The following TPRG1 variants were observed in gnomAD, a reference collection of about 807,000 sequenced individuals.
TPRG1 encodes the protein tumor protein p63 regulated 1.
Under a neutral mutation model 29.3 loss-of-function variants are expected in TPRG1, and 29 were observed. The ratio of observed to expected loss-of-function variants is 0.99; its 90% CI spans 0.74 to 1.35. The LOEUF is 1.35. Among genes scored for constraint, TPRG1 ranks in the 40% most tolerant of loss-of-function variants. The pLI is 0.00. For synonymous variants in TPRG1, 130 were observed against 116.8 expected (o/e 1.11, Z -0.73); for missense variants, 327 against 335.0 (o/e 0.98, Z 0.19).
chr3:189,116,172 ATATTAT>A (rs908159489), intron 1 of TPRG1, among the ~76,000 whole-genome samples: 2 of 151,890 alleles, frequency 1.3e-5, no homozygotes, highest in Non-Finnish European at 2.9e-5. Context: ...GGTCTCGAAG[ATATTAT>A]TATTATTATT....
At chr3:189,298,265 G>A (rs1371634946) in intron 4 of TPRG1, among the ~76,000 whole-genome samples, 1 of 152,126 alleles carries the variant, frequency 6.6e-6, no homozygotes, top group Admixed American at 6.5e-5. Context: ...AGGTTGTGAT[G>A]GGAGCCAAAA....
At position 189,133,452 on chromosome 3, in the gene TPRG1, C is replaced by T. The variant is rs186813970; in HGVS notation, c.-291+755C>T. The stretch of plus-strand genomic sequence containing the variant: ...AAATGCCATCTTGAATTGTAATCCC[C>T]TCGTATTGAGGGAGGGAAGTGACTG... On this transcript the variant is annotated intron_variant, in intron 3 of 6. Coordinates refer to the TPRG1 transcript ENST00000412373. Among the ~76,000 whole-genome samples the T allele has an allele frequency of 3.6e-3, 543 of 152,218 alleles. 2 individuals carry two copies. Among genetic ancestry groups the T allele is most frequent in the Middle Eastern group, 0.014 (4 of 294 alleles).
chr3:189,175,169 A>C (rs1157136657), intron 1 of TPRG1, among the ~76,000 whole-genome samples: 1 of 152,202 alleles, frequency 6.6e-6, no homozygotes, highest in Non-Finnish European at 1.5e-5. Flanking sequence ...TTTCAAGACG[A>C]AGAAGAAAGC....
At chr3:189,274,935 AGTGTGTGTGTGTGTGTGTGT>A (rs57386934) in intron 4 of TPRG1, among the ~76,000 whole-genome samples, 1 of 137,646 alleles carries the variant, frequency 7.3e-6, no homozygotes, top group South Asian at 2.4e-4. Flanking sequence ...TAATGTAATG[AGTGTGTGTGTGTGTGTGTGT>A]GTGTGTGTGT....
chr3:189,207,364 C>A lies in TPRG1; in HGVS notation c.-9-12C>A, dbSNP rs945722219. 1.2e-6 allele frequency: 2 copies of A among 1,613,418 alleles called. No individual in the cohort carries two copies. The highest frequency in any genetic ancestry group is 1.7e-6 in the Non-Finnish European group (2 of 1,179,684). On this transcript the variant is annotated splice_polypyrimidine_tract_variant and intron_variant, in intron 1 of 5. Coordinates refer to ENST00000345063, the MANE Select transcript of TPRG1 (RefSeq NM_198485.4). ...ACATTTTTTCAATGAGATTTTTCTG[C>A]CCTTGGTTTAGGCTGAAGAAATGTC...
At chr3:189,163,592 T>A (rs1727763126) in intron 5 of TPRG1, among the ~76,000 whole-genome samples, 1 of 152,196 alleles carries the variant, frequency 6.6e-6, no homozygotes, top group South Asian at 2.1e-4. Flanking sequence ...TTTAATGAAA[T>A]GACGACTTTT....
chr3:189,068,073 C>T (rs1029062659), intron 4 of TPRG1, among the ~76,000 whole-genome samples: 2 of 152,044 alleles, frequency 1.3e-5, no homozygotes, highest in African/African-American at 4.8e-5. Context: ...AAAAGGTGCT[C>T]AATATCATTT....
intron 1 of TPRG1, among the ~76,000 whole-genome samples, chr3:189,201,174 A>G (rs1238715465): frequency 6.6e-6 from 1 of 152,204 alleles, no homozygotes; most frequent in Non-Finnish European, 1.5e-5. Context: ...TAAATTATTC[A>G]GCCCCATGTG....
chr3:189,191,168 T>A (rs1578742435), intron 1 of TPRG1, among the ~76,000 whole-genome samples: 1 of 152,222 alleles, frequency 6.6e-6, no homozygotes, highest in Non-Finnish European at 1.5e-5. Context: ...ATATCTTTAT[T>A]GTTTTGTTTT....
At chr3:189,032,143 A>G (rs970468738) in intron 4 of TPRG1, among the ~76,000 whole-genome samples, 1 of 152,194 alleles carries the variant, frequency 6.6e-6, no homozygotes, top group Non-Finnish European at 1.5e-5. Context: ...ATTACCATGA[A>G]CAATTTGAGT....
chr3:189,302,306 A>T (rs1004299143), intron 4 of TPRG1, among the ~76,000 whole-genome samples: 2 of 152,194 alleles, frequency 1.3e-5, no homozygotes, highest in Admixed American at 1.3e-4. Context: ...TGATACCTTT[A>T]ACTATGAGAG....
intron 1 of TPRG1, among the ~76,000 whole-genome samples, chr3:189,180,229 A>C (rs1419397537): frequency 6.6e-6 from 1 of 152,164 alleles, no homozygotes; most frequent in Non-Finnish European, 1.5e-5. Flanking sequence ...GACAGAGCCA[A>C]ACCATATCAT....
At chr3:189,213,833 C>A (rs1187568512) in intron 2 of TPRG1, among the ~76,000 whole-genome samples, 3 of 151,972 alleles carry the variant, frequency 2.0e-5, no homozygotes, top group East Asian at 1.9e-4. Context: ...CTTTAAAAAT[C>A]TTCCCATATT....
chr3:189,155,641 A>G (rs1402785495), intron 5 of TPRG1, among the ~76,000 whole-genome samples: 1 of 152,230 alleles, frequency 6.6e-6, no homozygotes, highest in Non-Finnish European at 1.5e-5. Context: ...AGAAAATAGA[A>G]TGTTATTGAG....
intron 4 of TPRG1, chr3:189,309,874 A>T (rs1722208539): frequency 6.6e-6 from 1 of 152,404 alleles, no homozygotes; most frequent in Non-Finnish European, 1.5e-5. Flanking sequence ...AATGAGATTC[A>T]GAATCTGAAG....
intron 4 of TPRG1, among the ~76,000 whole-genome samples, chr3:189,044,149 G>T (rs1214225941): frequency 6.6e-6 from 1 of 152,030 alleles, no homozygotes; most frequent in Non-Finnish European, 1.5e-5. Flanking sequence ...GAGAGAGAGA[G>T]AAAAGACCTG....
In TPRG1 at chr3:189,193,800, A is replaced by G. The variant is rs148467860; in HGVS notation, c.-9-13576A>G. Among the ~76,000 whole-genome samples, 232 of 150,396 alleles carry G rather than the reference A, an allele frequency of 1.5e-3. 1 individual carries two copies. The highest frequency in any genetic ancestry group is 5.3e-3 in the African/African-American group (217 of 40,784). On this transcript the variant is annotated intron_variant, in intron 1 of 5. Coordinates refer to ENST00000345063, the MANE Select transcript of TPRG1 (RefSeq NM_198485.4). ...CTCTGTGCAATTTCTCATTCATACC[A>G]TGAGTTGGTTTCCTGATTTTGTTGA... is the stretch of plus-strand genomic sequence containing the variant.
At chr3:189,103,340 C>T (rs559247054) in intron 1 of TPRG1, among the ~76,000 whole-genome samples, 1 of 152,236 alleles carries the variant, frequency 6.6e-6, no homozygotes, top group South Asian at 2.1e-4. Context: ...GTTTGCAGTC[C>T]CCTTTCATCT....
intron 4 of TPRG1, among the ~76,000 whole-genome samples, chr3:189,086,377 G>A (rs1339370331): frequency 1.3e-5 from 2 of 151,044 alleles, no homozygotes; most frequent in South Asian, 4.2e-4. Context: ...TTGAGATAGG[G>A]TCTCACTCTC....
Sources: allele counts gnomAD v4.1 joint callset (sites outside exome capture counted in the v4.1 genomes callset), GRCh38; gene constraint gnomAD v4.1.1; transcripts MANE v1.5; gene names NCBI Gene and HGNC (gene_info 2026-07-23, HGNC 2026-07-21).